The following CCSER1 variants were observed in gnomAD, a reference collection of about 807,000 sequenced individuals.
CCSER1 encodes the protein serine-rich coiled-coil domain-containing protein 1.
Under a neutral mutation model 82.0 loss-of-function variants are expected in CCSER1, and 41 were observed. The ratio of observed to expected loss-of-function variants is 0.50; its 90% CI spans 0.39 to 0.65. The LOEUF (loss-of-function observed/expected upper bound fraction) is 0.65. CCSER1 is among the 30% of genes least tolerant of loss of function. The pLI is 0.00. For synonymous variants in CCSER1, 414 were observed against 383.9 expected (o/e 1.08, Z -0.92); for missense variants, 1,119 against 1,064.2 (o/e 1.05, Z -0.72).
At chr4:90,574,899 A>G (rs1231092184) in intron 5 of CCSER1, among the ~76,000 whole-genome samples, 1 of 152,090 alleles carries the variant, frequency 6.6e-6, no homozygotes, top group Non-Finnish European at 1.5e-5. Context: ...CTCCCTTATC[A>G]TGCAGGAATC....
At chr4:90,709,436 T>C (rs1740057158) in intron 6 of CCSER1, among the ~76,000 whole-genome samples, 1 of 151,922 alleles carries the variant, frequency 6.6e-6, no homozygotes. Flanking sequence ...CTCTTCCCGC[T>C]CAAACCCCCT....
At chr4:91,207,341 G>A (rs566775467) in intron 10 of CCSER1, among the ~76,000 whole-genome samples, 2 of 133,530 alleles carry the variant, frequency 1.5e-5, no homozygotes, top group African/African-American at 5.4e-5. Flanking sequence ...CCCAACAGTT[G>A]CTTTTCTTTT....
chr4:91,339,812 A>G (rs1374725981), intron 10 of CCSER1, among the ~76,000 whole-genome samples: 1 of 152,064 alleles, frequency 6.6e-6, no homozygotes, highest in Non-Finnish European at 1.5e-5. Flanking sequence ...TCTTTACATG[A>G]ATACCTACGA....
chr4:91,080,113 C>T (rs1467777443), intron 9 of CCSER1, among the ~76,000 whole-genome samples: 1 of 152,148 alleles, frequency 6.6e-6, no homozygotes, highest in Non-Finnish European at 1.5e-5. Flanking sequence ...ACAGAACATA[C>T]ATTCTTCTAA....
At chr4:90,580,391 GT>G (rs1781296184) in intron 5 of CCSER1, among the ~76,000 whole-genome samples, 1 of 152,124 alleles carries the variant, frequency 6.6e-6, no homozygotes, top group Non-Finnish European at 1.5e-5. Context: ...AGTGTTCAGG[GT>G]TTTTATGGGG....
At chr4:90,869,046 T>G (rs1766101473) in intron 8 of CCSER1, among the ~76,000 whole-genome samples, 2 of 152,056 alleles carry the variant, frequency 1.3e-5, no homozygotes, top group Non-Finnish European at 2.9e-5. Flanking sequence ...CATGTTTAAT[T>G]GGATTATTAA....
chr4:90,574,580 AT>A (rs751251191), intron 5 of CCSER1, among the ~76,000 whole-genome samples: 7 of 151,940 alleles, frequency 4.6e-5, no homozygotes, highest in Non-Finnish European at 8.8e-5. Context: ...AAACACATTA[AT>A]TTTTAAACTA....
chr4:90,784,895 A>G (rs894918020), intron 7 of CCSER1, among the ~76,000 whole-genome samples: 1 of 152,220 alleles, frequency 6.6e-6, no homozygotes, highest in Admixed American at 6.5e-5. Flanking sequence ...AAGAAAATAT[A>G]TACTATTCAT....
chr4:91,055,806 T>A (rs1282016038), intron 9 of CCSER1, among the ~76,000 whole-genome samples: 2 of 141,776 alleles, frequency 1.4e-5, no homozygotes, highest in Non-Finnish European at 3.1e-5. Flanking sequence ...CTCCCTTTCT[T>A]TTTGGAACTC....
chr4:90,553,403 C>CT (rs1477822300), intron 5 of CCSER1, among the ~76,000 whole-genome samples: 1 of 152,124 alleles, frequency 6.6e-6, no homozygotes, highest in African/African-American at 2.4e-5. Flanking sequence ...CTCATAGTAA[C>CT]TTTAAGAAGA....
chr4:90,411,614 A>T lies in CCSER1; in HGVS notation c.1603+11485A>T, dbSNP rs185414212. Among the ~76,000 whole-genome samples, 56 of 152,350 alleles carry T rather than the reference A, an allele frequency of 3.7e-4. No homozygotes were observed. In the East Asian group the frequency reaches 0.011, roughly 29 times the overall value. On this transcript the variant is annotated intron_variant, in intron 4 of 10. Coordinates refer to ENST00000509176, the MANE Select transcript of CCSER1 (RefSeq NM_001145065.2). ...ACTCAATAAATTAGGTATTGATGGG[A>T]TGTATCTCAAAATAACATGAGCTAT...
chr4:91,223,254 A>G (rs1737890675), intron 10 of CCSER1, among the ~76,000 whole-genome samples: 1 of 152,128 alleles, frequency 6.6e-6, no homozygotes, highest in Admixed American at 6.6e-5. Context: ...GAGAAATATT[A>G]TTTGTTTAGA....
At chr4:90,890,092 A>G (rs1197739288) in intron 8 of CCSER1, among the ~76,000 whole-genome samples, 1 of 152,150 alleles carries the variant, frequency 6.6e-6, no homozygotes, top group East Asian at 1.9e-4. Context: ...GCCTCCGTGT[A>G]CTCTAGGAAA....
intron 5 of CCSER1, among the ~76,000 whole-genome samples, chr4:90,474,801 T>G (rs777393865): frequency 6.6e-6 from 1 of 152,190 alleles, no homozygotes; most frequent in Non-Finnish European, 1.5e-5. Context: ...TGTGTCAATA[T>G]GTATTTATGA....
At chr4:91,284,762 C>T (rs1294913012) in intron 10 of CCSER1, among the ~76,000 whole-genome samples, 1 of 151,994 alleles carries the variant, frequency 6.6e-6, no homozygotes, top group Non-Finnish European at 1.5e-5. Context: ...CAAGTAAATC[C>T]ATCTTAATAT....
chr4:90,770,811 A>G (rs2149563118), intron 7 of CCSER1, among the ~76,000 whole-genome samples: 1 of 152,326 alleles, frequency 6.6e-6, no homozygotes, highest in Non-Finnish European at 1.5e-5. Flanking sequence ...GCAAATAACT[A>G]AAATCATTGA....
chr4:91,281,326 C>A (rs1212485385), intron 10 of CCSER1, among the ~76,000 whole-genome samples: 2 of 152,118 alleles, frequency 1.3e-5, no homozygotes, highest in Non-Finnish European at 2.9e-5. Context: ...TCACATGCCT[C>A]TAGTCAGCTA....
intron 10 of CCSER1, among the ~76,000 whole-genome samples, chr4:91,389,126 A>G (rs1276615015): frequency 6.6e-6 from 1 of 152,058 alleles, no homozygotes; most frequent in Non-Finnish European, 1.5e-5. Flanking sequence ...ATATCTAAAA[A>G]TTCAACATTA....
chr4:91,341,964 G>A (rs571253494), intron 10 of CCSER1, among the ~76,000 whole-genome samples: 1 of 152,202 alleles, frequency 6.6e-6, no homozygotes, highest in Admixed American at 6.5e-5. Context: ...TACATTAATT[G>A]CTGTTATATA....
Sources: allele counts gnomAD v4.1 joint callset (sites outside exome capture counted in the v4.1 genomes callset), GRCh38; gene constraint gnomAD v4.1.1; transcripts MANE v1.5; gene names NCBI Gene and HGNC (gene_info 2026-07-23, HGNC 2026-07-21).